The following DLGAP1 variants were observed in gnomAD, a reference collection of about 807,000 sequenced individuals.
The protein encoded by DLGAP1 is disks large-associated protein 1.
A neutral mutation model predicts 90.8 loss-of-function variants in DLGAP1; 11 were observed. The observed-to-expected ratio is 0.12, with a 90% CI of 0.08 to 0.20. The LOEUF (loss-of-function observed/expected upper bound fraction) is 0.20. Among genes scored for constraint, DLGAP1 ranks in the 10% least tolerant of loss-of-function variants. The pLI is 1.00. For missense variants in DLGAP1, 1,050 were observed against 1,333.8 expected (o/e 0.79, Z 3.31); for synonymous variants, 558 against 540.7 (o/e 1.03, Z -0.44).
chr18:4,012,451 C>G (rs183774238), intron 2 of DLGAP1, among the ~76,000 whole-genome samples: 1 of 152,142 alleles, frequency 6.6e-6, no homozygotes, highest in African/African-American at 2.4e-5. Context: ...AGCCTCACAA[C>G]ACGGAATGGC....
chr18:4,317,624 G>T (rs559083784), intron 1 of DLGAP1, among the ~76,000 whole-genome samples: 1 of 152,220 alleles, frequency 6.6e-6, no homozygotes, highest in East Asian at 1.9e-4. Flanking sequence ...TAAAAAGTTT[G>T]CATACTCCCT....
At chr18:3,546,692 C>G (rs138211401) in intron 9 of DLGAP1, among the ~76,000 whole-genome samples, 1 of 151,036 alleles carries the variant, frequency 6.6e-6, no homozygotes, top group Non-Finnish European at 1.5e-5. Context: ...TATTTCAAAC[C>G]GAATGAAAAA....
At chr18:3,780,288 G>A (rs34910411) in intron 5 of DLGAP1, among the ~76,000 whole-genome samples, 37 of 152,262 alleles carry the variant, frequency 2.4e-4, no homozygotes, top group Non-Finnish European at 5.1e-4. Context: ...ATCACCACAA[G>A]CTTAGTGGAT....
chr18:3,600,785 TATATATAGATATATAG>T lies in DLGAP1; in HGVS notation c.1592-18553_1592-18538del, dbSNP rs1202615293. Reference sequence around the variant, plus strand: ...ATATAGATATATATAGATATATAGATATATATAGATATATAGATATATAGATATATATAGATATATA... The same window carrying T: ...ATATAGATATATATAGATATATAGATATATATAGATATATATAGATATATA... On this transcript the variant is annotated intron_variant, in intron 7 of 12. Transcript: ENST00000315677. Among the ~76,000 whole-genome samples, 129 of 74,060 alleles carry T rather than the reference TATATATAGATATATAG, an allele frequency of 1.7e-3. 17 individuals carry two copies. Among genetic ancestry groups the T allele is most frequent in the Non-Finnish European group, 2.8e-3 (105 of 38,050 alleles). 48.6% of individuals were successfully genotyped at this position (74,060 alleles called of 152,430 possible).
At chr18:3,586,170 A>G (rs1430880230) in intron 7 of DLGAP1, among the ~76,000 whole-genome samples, 1 of 152,212 alleles carries the variant, frequency 6.6e-6, no homozygotes, top group African/African-American at 2.4e-5. Context: ...AGGGTGGTCC[A>G]GCCCCCAACA....
Position 3,808,810 on chromosome 18 carries a change from C to T in DLGAP1, c.1172+5249G>A, listed in dbSNP as rs547129910. Among the ~76,000 whole-genome samples, 10 of 152,028 alleles carry T rather than the reference C, an allele frequency of 6.6e-5. No homozygotes were observed. The South Asian group carries it at 1.9e-3, about 28-fold the overall frequency. Reference sequence around the variant, plus strand: ...AGGAGGAGAAAAGGGGAGCAAAAAACGTATACAAGATAAACAACAACAACA... The same window carrying T: ...AGGAGGAGAAAAGGGGAGCAAAAAATGTATACAAGATAAACAACAACAACA... On this transcript the variant is annotated intron_variant, in intron 5 of 12. Transcript: ENST00000315677.
intron 1 of DLGAP1, among the ~76,000 whole-genome samples, chr18:4,372,810 C>T (rs559305832): frequency 1.3e-5 from 2 of 152,066 alleles, no homozygotes; most frequent in South Asian, 4.2e-4. Context: ...CACTTCTAAT[C>T]CCAGCTACTC....
At chr18:3,683,401 TA>T (rs1166069032) in intron 7 of DLGAP1, among the ~76,000 whole-genome samples, 2 of 152,174 alleles carry the variant, frequency 1.3e-5, no homozygotes, top group African/African-American at 4.8e-5. Flanking sequence ...TACAATCCTG[TA>T]AAAATAGCTT....
At chr18:4,017,187 T>C (rs932639498) in intron 2 of DLGAP1, among the ~76,000 whole-genome samples, 3 of 152,318 alleles carry the variant, frequency 2.0e-5, no homozygotes, top group South Asian at 4.1e-4. Flanking sequence ...CCTGGAAATA[T>C]GTTGCACATC....
In DLGAP1 at chr18:3,980,224, G is replaced by A. The variant is rs2073696117; in HGVS notation, c.-73+24892C>T. Among the ~76,000 whole-genome samples the A allele has an allele frequency of 2.0e-5, 3 of 152,134 alleles. 1 individual carries two copies. The South Asian group carries it at 6.2e-4, about 32-fold the overall frequency. On this transcript the variant is annotated intron_variant, in intron 3 of 12. Transcript: ENST00000315677. ...ATAGAGATGGTGAGGAAGGAGAAGA[G>A]GAGAGGCTGCAGGGGTCTGATCTCA...
At chr18:3,946,710 G>T (rs2072885175) in intron 3 of DLGAP1, among the ~76,000 whole-genome samples, 1 of 152,040 alleles carries the variant, frequency 6.6e-6, no homozygotes, top group African/African-American at 2.4e-5. Context: ...AAACCTTTCT[G>T]GAAGAGTCCT....
chr18:4,305,092 T>C (rs647182), intron 1 of DLGAP1, among the ~76,000 whole-genome samples: 152,256 of 152,286 alleles, frequency 1, 76,113 homozygotes, highest in Non-Finnish European at 1. Flanking sequence ...TTTGTTCCTA[T>C]CATGTGCCAG....
At chr18:3,501,380 A>G (rs2049923670) in intron 12 of DLGAP1, among the ~76,000 whole-genome samples, 1 of 152,234 alleles carries the variant, frequency 6.6e-6, no homozygotes, top group Admixed American at 6.5e-5. Flanking sequence ...TAGATTGGGT[A>G]CAAATGTTTG....
chr18:4,024,504 A>C (rs2074666808), intron 2 of DLGAP1, among the ~76,000 whole-genome samples: 1 of 152,160 alleles, frequency 6.6e-6, no homozygotes, highest in Admixed American at 6.5e-5. Flanking sequence ...GGCAAAGGGG[A>C]CGTGGCAAAT....
chr18:4,171,308 G>A (rs1460293025), intron 1 of DLGAP1, among the ~76,000 whole-genome samples: 1 of 152,070 alleles, frequency 6.6e-6, no homozygotes, highest in Non-Finnish European at 1.5e-5. Flanking sequence ...GGCCACGGCA[G>A]GCAGATCACG....
chr18:3,943,951 A>G (rs1259562874), intron 3 of DLGAP1, among the ~76,000 whole-genome samples: 1 of 152,184 alleles, frequency 6.6e-6, no homozygotes, highest in African/African-American at 2.4e-5. Flanking sequence ...TCTCAGAACA[A>G]CTCAACCCTG....
chr18:4,429,036 A>T (rs909387046), intron 1 of DLGAP1, among the ~76,000 whole-genome samples: 1 of 152,226 alleles, frequency 6.6e-6, no homozygotes, highest in Non-Finnish European at 1.5e-5. Context: ...AGGATCTAAA[A>T]GGATTTTTCA....
intron 7 of DLGAP1, among the ~76,000 whole-genome samples, chr18:3,723,404 C>T (rs2062046214): frequency 6.6e-6 from 1 of 152,174 alleles, no homozygotes; most frequent in African/African-American, 2.4e-5. Context: ...GGAAAGTCAG[C>T]TTGATTATTC....
intron 1 of DLGAP1, among the ~76,000 whole-genome samples, chr18:4,208,250 A>G (rs139298732): frequency 6.6e-6 from 1 of 152,226 alleles, no homozygotes. Context: ...TTGTGTTTGG[A>G]ACATCTAAAA....
Sources: gnomAD v4.1 joint callset for allele counts (sites outside exome capture counted in the v4.1 genomes callset) on GRCh38, gnomAD v4.1.1 for gene constraint, MANE v1.5 for transcripts, NCBI Gene and HGNC (gene_info 2026-07-23, HGNC 2026-07-21) for gene names.